CNTN5: variants seen among roughly 807,000 people sequenced by gnomAD.
CNTN5 encodes contactin-5.
In CNTN5, 77 loss-of-function variants were observed where a neutral mutation model predicts 129.1. The ratio of observed to expected loss-of-function variants is 0.60; its 90% confidence interval spans 0.50 to 0.72. CNTN5 has a LOEUF of 0.72. CNTN5 is among the 30% of genes least tolerant of loss of function. CNTN5 has a pLI of 0.00. For missense variants in CNTN5, 1,478 were observed against 1,328.8 expected, an observed-to-expected ratio of 1.11 and a Z score of -1.75; for synonymous variants, 509 against 465.6, an observed-to-expected ratio of 1.09 and a Z score of -1.20.
Position 100,061,393 on chromosome 11 carries a change from A to G in CNTN5, c.1162A>G (p.Thr388Ala). 6.4e-7 allele frequency: 1 copy of G among 1,554,962 alleles called. No individual in the cohort carries two copies. The highest frequency in any genetic ancestry group is 8.8e-7 in the Non-Finnish European group (1 of 1,137,858). ...NSFRGQLQVYTYPHWVEKLND... is the reference protein window; with the variant it reads ...NSFRGQLQVYAYPHWVEKLND... ...CTTTCGTGGACAATTACAAGTATAC[A>G]GTAAGTGTTTTCAGCAAAGCATGAT... The change falls in exon 10 of 25, where the codon ACC (threonine) becomes GCC (alanine). Residue 388 changes from threonine to alanine, a missense_variant and splice_region_variant. Thr to Ala is a moderately conservative substitution (Grantham distance 58, BLOSUM62 0). Coordinates refer to ENST00000524871, the MANE Select transcript of CNTN5 (RefSeq NM_014361.4).
intron 3 of CNTN5, among the ~76,000 whole-genome samples, chr11:99,666,401 T>A (rs942671147): frequency 6.6e-6 from 1 of 152,184 alleles, no homozygotes; most frequent in Non-Finnish European, 1.5e-5. Flanking sequence ...TGGAGACTGT[T>A]AGAAATGAGC....
intron 13 of CNTN5, among the ~76,000 whole-genome samples, chr11:100,114,412 G>A (rs773533807): frequency 7.9e-5 from 12 of 152,010 alleles, no homozygotes; most frequent in Admixed American, 3.9e-4. Flanking sequence ...TTTGTGGCAG[G>A]AAGAACTTTA....
chr11:99,464,822 GTT>G (rs1944871458), intron 2 of CNTN5, among the ~76,000 whole-genome samples: 1 of 152,056 alleles, frequency 6.6e-6, no homozygotes, highest in Non-Finnish European at 1.5e-5. Flanking sequence ...CATAAAAATA[GTT>G]TAATCAATTG....
At chr11:99,708,683 T>C (rs1484252151) in intron 3 of CNTN5, among the ~76,000 whole-genome samples, 3 of 151,696 alleles carry the variant, frequency 2.0e-5, no homozygotes, top group Non-Finnish European at 4.4e-5. Context: ...CTTTTCTCAC[T>C]GTGGGGTGAA....
At position 99,080,175 on chromosome 11, in the gene CNTN5, G is replaced by A. The variant is rs978978980; in HGVS notation, c.-210+58905G>A. Among the ~76,000 whole-genome samples, 8 of 152,100 alleles carry A rather than the reference G, an allele frequency of 5.3e-5. No individual in the cohort carries two copies. The East Asian group carries it at 1.5e-3, about 29-fold the overall frequency. Reference sequence around the variant, plus strand: ...TCATAGGAAGAAGAGAAAAATAAAGGCAATTGCATTTAGCATAAGACTGTA... The same window carrying A: ...TCATAGGAAGAAGAGAAAAATAAAGACAATTGCATTTAGCATAAGACTGTA... On this transcript the variant is annotated intron_variant, in intron 1 of 24. Coordinates refer to ENST00000524871, the MANE Select transcript of CNTN5 (RefSeq NM_014361.4).
intron 1 of CNTN5, among the ~76,000 whole-genome samples, chr11:99,053,812 A>C (rs1027352798): frequency 6.6e-6 from 1 of 151,988 alleles, no homozygotes; most frequent in African/African-American, 2.4e-5. Context: ...GAGAGTTTTA[A>C]GTTTTGAAAT....
intron 6 of CNTN5, among the ~76,000 whole-genome samples, chr11:99,883,179 A>G (rs577535812): frequency 1.3e-5 from 2 of 152,314 alleles, no homozygotes; most frequent in South Asian, 4.1e-4. Context: ...TGCAACAAAC[A>G]TCGGAGTGCA....
chr11:99,678,929 ACAT>A (rs1368804201), intron 3 of CNTN5, among the ~76,000 whole-genome samples: 1 of 150,340 alleles, frequency 6.7e-6, no homozygotes, highest in Non-Finnish European at 1.5e-5. Flanking sequence ...CTCTTTGACC[ACAT>A]TTTTTATTGT....
Position 99,588,291 on chromosome 11 carries a change from C to A in CNTN5, c.55+32022C>A, listed in dbSNP as rs553530944. On this transcript the variant is annotated intron_variant, in intron 3 of 24. Transcript: ENST00000524871. ...CCCAGGAGGCAGAGCTTGCCGTGAG[C>A]CAAGATAGCGCCACTGCACTCCAGC... is the stretch of plus-strand genomic sequence containing the variant. Among the ~76,000 whole-genome samples, 46 of 139,626 alleles carry A rather than the reference C, an allele frequency of 3.3e-4. 1 individual carries two copies. The highest frequency in any genetic ancestry group is 1.2e-3 in the African/African-American group (45 of 37,640). The allele number at this position is 139,626 out of a possible 152,430, so 91.6% of individuals were successfully genotyped here.
intron 2 of CNTN5, among the ~76,000 whole-genome samples, chr11:99,540,302 A>G (rs1454039780): frequency 6.6e-6 from 1 of 152,180 alleles, no homozygotes; most frequent in Non-Finnish European, 1.5e-5. Context: ...TATATTTGAT[A>G]TTAGGATTTT....
chr11:100,240,289 C>T (rs1249332893), intron 16 of CNTN5, among the ~76,000 whole-genome samples: 2 of 151,694 alleles, frequency 1.3e-5, no homozygotes, highest in African/African-American at 4.9e-5. Context: ...AACCCACTGT[C>T]TCCATTTCTC....
intron 9 of CNTN5, among the ~76,000 whole-genome samples, chr11:100,042,383 T>G (rs768619469): frequency 7.9e-5 from 12 of 152,174 alleles, no homozygotes; most frequent in African/African-American, 2.2e-4. Flanking sequence ...TTCCTTTTTT[T>G]TGTGCAAGTC....
At chr11:99,681,400 A>G (rs1953545079) in intron 3 of CNTN5, among the ~76,000 whole-genome samples, 1 of 152,022 alleles carries the variant, frequency 6.6e-6, no homozygotes, top group Admixed American at 6.6e-5. Context: ...ATTCTGAGAA[A>G]TTGCCGCAGC....
chr11:99,690,446 G>A (rs956910009), intron 3 of CNTN5, among the ~76,000 whole-genome samples: 4 of 151,872 alleles, frequency 2.6e-5, no homozygotes, highest in African/African-American at 4.8e-5. Flanking sequence ...CTGGCTATTC[G>A]GGCTCTTTCT....
chr11:99,292,635 G>A (rs1864218327), intron 1 of CNTN5, among the ~76,000 whole-genome samples: 1 of 152,088 alleles, frequency 6.6e-6, no homozygotes, highest in South Asian at 2.1e-4. Context: ...GGAGAGTCAA[G>A]CAAAACTCTT....
chr11:100,264,130 G>A (rs1012503850), intron 17 of CNTN5, among the ~76,000 whole-genome samples: 18 of 151,940 alleles, frequency 1.2e-4, no homozygotes, highest in Non-Finnish European at 2.6e-4. Context: ...GGAGGATTTA[G>A]GCATTTGAAT....
At chr11:99,074,473 AGGCATG>A (rs1396611758) in intron 1 of CNTN5, among the ~76,000 whole-genome samples, 1 of 152,170 alleles carries the variant, frequency 6.6e-6, no homozygotes, top group African/African-American at 2.4e-5. Flanking sequence ...TTTAGGACAT[AGGCATG>A]GCCAAAGACT....
intron 1 of CNTN5, among the ~76,000 whole-genome samples, chr11:99,130,577 T>C (rs1444580763): frequency 6.6e-6 from 1 of 152,078 alleles, no homozygotes. Context: ...ACAAAGATAA[T>C]CAGGACTCGA....
At chr11:99,282,907 T>C (rs748424571) in intron 1 of CNTN5, among the ~76,000 whole-genome samples, 1 of 152,050 alleles carries the variant, frequency 6.6e-6, no homozygotes, top group Non-Finnish European at 1.5e-5. Context: ...GCTATAGTCT[T>C]GGGCATGACA....
Sources: gnomAD v4.1 joint callset for allele counts (sites outside exome capture counted in the v4.1 genomes callset) on GRCh38, gnomAD v4.1.1 for gene constraint, MANE v1.5 for transcripts, NCBI Gene and HGNC (gene_info 2026-07-23, HGNC 2026-07-21) for gene names.